Variants in POLN observed in about 807,000 individuals in gnomAD.
POLN encodes DNA polymerase nu, also known as DNA polymerase N.
In POLN, 108 loss-of-function variants were observed where a neutral mutation model predicts 113.5. That is an observed-to-expected ratio of 0.95 (90% CI 0.81 to 1.12). POLN has a LOEUF of 1.12. Ranked by LOEUF, POLN falls within the 50% of genes most tolerant of loss-of-function variation. The pLI, the probability that POLN is intolerant of heterozygous loss-of-function variation, is 0.00. For missense variants in POLN, 1,097 were observed against 1,077.1 expected (o/e 1.02, Z -0.26); for synonymous variants, 386 against 391.5 (o/e 0.99, Z 0.17).
chr4:2,128,270 T>G (rs779129841), intron 18 of POLN, 43 bp from the exon 19 acceptor site: 1 of 1,325,240 alleles, frequency 7.5e-7, no homozygotes, highest in Non-Finnish European at 1.1e-6. Context: ...TTGCCAGCAA[T>G]GTTCCTCGTG....
chr4:2,201,733 A>C lies in POLN; in HGVS notation c.715-3016T>G, dbSNP rs116430712. On this transcript the variant is annotated intron_variant, in intron 5 of 25. Coordinates refer to ENST00000511885, the MANE Select transcript of POLN (RefSeq NM_181808.4). ...GAAATTCATTGCAAAAAGATCATTG[A>C]CTAGGCACATTGTCATCAGTTTATC... is the stretch of plus-strand genomic sequence containing the variant. Among the ~76,000 whole-genome samples, 365 of 152,322 alleles carry C rather than the reference A, an allele frequency of 2.4e-3. 1 individual carries two copies. The highest frequency in any genetic ancestry group is 8.4e-3 in the African/African-American group (348 of 41,570).
intron 13 of POLN, among the ~76,000 whole-genome samples, chr4:2,159,876 T>C (rs915097103): frequency 2.0e-5 from 3 of 151,118 alleles, no homozygotes; most frequent in Admixed American, 2.0e-4. Flanking sequence ...TGTAGAACAT[T>C]ACCCATTCCA....
At chr4:2,089,523 ATT>A in intron 20 of POLN, 1 of 1,276,296 alleles carries the variant, frequency 7.8e-7, no homozygotes, top group Non-Finnish European at 1.1e-6. Context: ...GCAAATTATC[ATT>A]TTTAAAAATG....
intron 16 of POLN, among the ~76,000 whole-genome samples, chr4:2,133,286 G>A (rs1199281312): frequency 6.6e-6 from 1 of 152,088 alleles, no homozygotes; most frequent in African/African-American, 2.4e-5. Context: ...AAATTAAAAT[G>A]CCATATGATC....
intron 4 of POLN, among the ~76,000 whole-genome samples, chr4:2,209,482 A>G (rs1449206683): frequency 9.4e-6 from 1 of 106,490 alleles, no homozygotes; most frequent in African/African-American, 5.6e-5. Context: ...CCGTCTCAGA[A>G]AAAAAAAAAA....
At chr4:2,235,996 A>T (rs1404004385) in intron 2 of POLN, among the ~76,000 whole-genome samples, 1 of 152,204 alleles carries the variant, frequency 6.6e-6, no homozygotes, top group African/African-American at 2.4e-5. Flanking sequence ...AACATTACAT[A>T]TTCTTTTGTG....
At chr4:2,159,098 G>T in intron 14 of POLN, 57 bp downstream of exon 14, 4 of 1,259,364 alleles carry the variant, frequency 3.2e-6, no homozygotes, top group Non-Finnish European at 4.7e-6. Flanking sequence ...CAGACACAGG[G>T]CCATATGGTT....
intron 16 of POLN, chr4:2,156,375 C>CTTTTTT (rs34241266): frequency 3.4e-5 from 13 of 384,256 alleles, no homozygotes; most frequent in Admixed American, 6.4e-5. Flanking sequence ...GAATTTAGAG[C>CTTTTTT]TTTTTTTTTT....
chr4:2,096,115 G>A (rs1019800646), intron 19 of POLN, among the ~76,000 whole-genome samples, 182 bp from the exon 20 acceptor site: 2 of 152,208 alleles, frequency 1.3e-5, no homozygotes, highest in African/African-American at 4.8e-5. Context: ...AAGGGCCCCA[G>A]GCAGATGCCT....
chr4:2,236,333 T>A, intron 2 of POLN: 1 of 1,613,302 alleles, frequency 6.2e-7, no homozygotes, highest in Non-Finnish European at 8.5e-7. Context: ...CTTGAGCAGA[T>A]ACTGCCAACT....
chr4:2,216,122 C>A (rs547881019), intron 3 of POLN, among the ~76,000 whole-genome samples: 1 of 152,238 alleles, frequency 6.6e-6, no homozygotes, highest in Non-Finnish European at 1.5e-5. Flanking sequence ...CTGACGCCCA[C>A]GGTCAGCCAC....
At chr4:2,090,546 C>T in intron 20 of POLN, 1 of 479,882 alleles carries the variant, frequency 2.1e-6, no homozygotes, top group Non-Finnish European at 3.9e-6. Flanking sequence ...CCTCTACAGA[C>T]TGGCCATGGT....
At chr4:2,085,515 G>T in intron 21 of POLN, 98 bp downstream of exon 21, 3 of 1,524,262 alleles carry the variant, frequency 2.0e-6, no homozygotes, top group South Asian at 2.5e-5. Flanking sequence ...CCAACCTCAG[G>T]ACCCAGGGCC....
chr4:2,161,012 T>C (rs1453408472), intron 13 of POLN, among the ~76,000 whole-genome samples: 1 of 152,226 alleles, frequency 6.6e-6, no homozygotes, highest in East Asian at 1.9e-4. Flanking sequence ...AGTGATGCCC[T>C]GTGAGACACA....
chr4:2,238,527 T>G (rs1324994422), intron 2 of POLN: 2 of 968,290 alleles, frequency 2.1e-6, no homozygotes, highest in African/African-American at 3.3e-5. Flanking sequence ...ACTTCCAAAA[T>G]TTTAGCTCAA....
At chr4:2,079,293 C>G (rs745779219) in intron 23 of POLN, 1 of 560,208 alleles carries the variant, frequency 1.8e-6, no homozygotes, top group Non-Finnish European at 2.3e-6. Flanking sequence ...GCTTTCAGTT[C>G]CTGCCAAGAC....
intron 19 of POLN, among the ~76,000 whole-genome samples, chr4:2,121,407 C>G (rs1189156797): frequency 6.7e-6 from 1 of 148,688 alleles, no homozygotes; most frequent in Non-Finnish European, 1.5e-5. Context: ...TACACTCCAG[C>G]CTGGGTGACA....
intron 16 of POLN, among the ~76,000 whole-genome samples, chr4:2,148,570 G>A (rs988759257): frequency 1.3e-5 from 2 of 152,080 alleles, no homozygotes; most frequent in Admixed American, 1.3e-4. Context: ...AGGAGGCTGA[G>A]GCAGGAGAAT....
rs11934122 is a variant in POLN, at chr4:2,152,658, T to C, written c.1731+4130A>G. Reference sequence around the variant, plus strand: ...TGGCATTATCATGTAACCTACATAGTATTTTCTTAAATAGTGTGCAGCTGG... The same window carrying C: ...TGGCATTATCATGTAACCTACATAGCATTTTCTTAAATAGTGTGCAGCTGG... On this transcript the variant is annotated intron_variant, in intron 16 of 25. Transcript: ENST00000511885. 8.6e-3 allele frequency among the ~76,000 whole-genome samples: 1,308 copies of C among 152,084 alleles called. 23 individuals are homozygous for C. Among genetic ancestry groups the C allele is most frequent in the African/African-American group, 0.03 (1,249 of 41,504 alleles).
Sources: gnomAD v4.1 joint callset for allele counts (sites outside exome capture counted in the v4.1 genomes callset) on GRCh38, gnomAD v4.1.1 for gene constraint, MANE v1.5 for transcripts, NCBI Gene and HGNC (gene_info 2026-07-23, HGNC 2026-07-21) for gene names.